The following GALNT10 variants were observed in gnomAD, a reference collection of about 807,000 sequenced individuals.
The protein encoded by GALNT10 is polypeptide N-acetylgalactosaminyltransferase 10.
Under a neutral mutation model 75.0 loss-of-function variants are expected in GALNT10, and 41 were observed. The ratio of observed to expected loss-of-function variants is 0.55; its 90% CI spans 0.43 to 0.71. GALNT10 has a LOEUF of 0.71. Among genes scored for constraint, GALNT10 ranks in the 30% least tolerant of loss-of-function variants. The pLI is 0.00. For synonymous variants in GALNT10, 302 were observed against 313.0 expected (o/e 0.96, Z 0.37); for missense variants, 727 against 818.5 (o/e 0.89, Z 1.36).
At chr5:154,312,388 G>A (rs890604648) in intron 3 of GALNT10, among the ~76,000 whole-genome samples, 7 of 152,146 alleles carry the variant, frequency 4.6e-5, no homozygotes, top group Non-Finnish European at 7.3e-5. Flanking sequence ...CCAATCCTAA[G>A]TCTGCCTGGG....
At chr5:154,400,599 C>T (rs1348492807) in intron 7 of GALNT10, among the ~76,000 whole-genome samples, 1 of 152,150 alleles carries the variant, frequency 6.6e-6, no homozygotes, top group Non-Finnish European at 1.5e-5. Flanking sequence ...CAACAGATGC[C>T]CATTGCAGGG....
At chr5:154,385,666 C>T (rs960219152) in intron 6 of GALNT10, among the ~76,000 whole-genome samples, 8 of 152,216 alleles carry the variant, frequency 5.3e-5, no homozygotes, top group Admixed American at 3.3e-4. Context: ...CAGCACCTCC[C>T]TCACAACTGG....
At chr5:154,255,132 T>C (rs1400982588) in intron 1 of GALNT10, among the ~76,000 whole-genome samples, 3 of 152,080 alleles carry the variant, frequency 2.0e-5, no homozygotes, top group Non-Finnish European at 2.9e-5. Flanking sequence ...TATTACCTTC[T>C]AATCAGTGAG....
At chr5:154,255,671 T>G (rs1291369159) in intron 1 of GALNT10, among the ~76,000 whole-genome samples, 1 of 152,102 alleles carries the variant, frequency 6.6e-6, no homozygotes, top group East Asian at 1.9e-4. Context: ...AGGTCTAGTA[T>G]GTCTTCCACT....
At chr5:154,201,757 C>A (rs1210729193) in intron 1 of GALNT10, among the ~76,000 whole-genome samples, 1 of 151,880 alleles carries the variant, frequency 6.6e-6, no homozygotes, top group Admixed American at 6.6e-5. Flanking sequence ...GGTAAAACCC[C>A]GTCTCTACTA....
intron 4 of GALNT10, among the ~76,000 whole-genome samples, chr5:154,359,677 C>G (rs1425625190): frequency 6.6e-6 from 1 of 151,816 alleles, no homozygotes; most frequent in East Asian, 1.9e-4. Flanking sequence ...CAAGGGCCAT[C>G]CTTTTGTGTG....
In GALNT10 at chr5:154,191,000, C is replaced by G. The variant is rs1252595960; in HGVS notation, c.134C>G (p.Ala45Gly). Residue 45 changes from alanine (A) to glycine (G), a missense_variant, in exon 1 of 12, where the codon GCG becomes GGG. By Grantham distance (60) the Ala-to-Gly change is moderately conservative. Transcript: ENST00000297107. Reference sequence around the variant, plus strand: ...GACGGCACCCCTGGGGGATCGGGGGCGGCGGTGGCGCCGGCGGCGGGACAG... The same window carrying G: ...GACGGCACCCCTGGGGGATCGGGGGGGGCGGTGGCGCCGGCGGCGGGACAG... ...QPDGTPGGSG[A>G]AVAPAAGQGS... is the part of the protein sequence containing the mutation. 1.1e-5 allele frequency: 16 copies of G among 1,482,610 alleles called. No individual in the cohort carries two copies. Among genetic ancestry groups the G allele is most frequent in the Non-Finnish European group, 1.4e-5 (16 of 1,114,950 alleles). The allele number at this position is 1,482,610 out of a possible 1,614,324, so 91.8% of individuals were successfully genotyped here. A position where few individuals can be genotyped will look rare whatever the true frequency, so the allele number is the denominator to read the frequency against.
At chr5:154,353,783 A>G (rs1271537055) in intron 4 of GALNT10, among the ~76,000 whole-genome samples, 5 of 152,106 alleles carry the variant, frequency 3.3e-5, no homozygotes, top group South Asian at 2.1e-4. Context: ...ATCCTTCTGG[A>G]CCAAACTCAA....
At chr5:154,260,557 A>G (rs1257228762) in intron 1 of GALNT10, among the ~76,000 whole-genome samples, 1 of 152,200 alleles carries the variant, frequency 6.6e-6, no homozygotes, top group Non-Finnish European at 1.5e-5. Flanking sequence ...TTTTTAAATG[A>G]ATGCAAATGT....
chr5:154,205,643 A>G (rs1775094611), intron 1 of GALNT10, among the ~76,000 whole-genome samples: 1 of 152,238 alleles, frequency 6.6e-6, no homozygotes, highest in Non-Finnish European at 1.5e-5. Flanking sequence ...AATGTAACCA[A>G]TCAAGATGAT....
intron 1 of GALNT10, among the ~76,000 whole-genome samples, chr5:154,287,665 T>G (rs896982796): frequency 6.6e-6 from 1 of 152,222 alleles, no homozygotes; most frequent in Non-Finnish European, 1.5e-5. Flanking sequence ...TGGACTACCT[T>G]GTTCATCTTT....
At chr5:154,232,194 GC>G (rs1753161797) in intron 1 of GALNT10, among the ~76,000 whole-genome samples, 1 of 152,188 alleles carries the variant, frequency 6.6e-6, no homozygotes. Flanking sequence ...GTGGCTCCAG[GC>G]AAGCCACTTA....
intron 6 of GALNT10, among the ~76,000 whole-genome samples, chr5:154,382,340 T>C (rs564791544): frequency 6.6e-6 from 1 of 152,236 alleles, no homozygotes; most frequent in Admixed American, 6.5e-5. Context: ...TCTCTTGGCC[T>C]CTTGAACACA....
chr5:154,364,745 C>A (rs1311227857), intron 4 of GALNT10, among the ~76,000 whole-genome samples: 1 of 152,054 alleles, frequency 6.6e-6, no homozygotes, highest in East Asian at 1.9e-4. Context: ...AAATGAAATA[C>A]ATGTTGCTCT....
intron 1 of GALNT10, among the ~76,000 whole-genome samples, chr5:154,212,153 A>G (rs1182889990): frequency 6.6e-6 from 1 of 152,184 alleles, no homozygotes; most frequent in African/African-American, 2.4e-5. Flanking sequence ...ATTGCTCATA[A>G]AAACCAAGAT....
intron 4 of GALNT10, among the ~76,000 whole-genome samples, chr5:154,365,736 C>G (rs1394318265): frequency 6.6e-6 from 1 of 152,184 alleles, no homozygotes; most frequent in Non-Finnish European, 1.5e-5. Context: ...TGTCTGCCCT[C>G]TCACCCTTCC....
intron 1 of GALNT10, among the ~76,000 whole-genome samples, chr5:154,197,472 TTC>T (rs1774964143): frequency 6.6e-6 from 1 of 152,152 alleles, no homozygotes; most frequent in African/African-American, 2.4e-5. Context: ...GTGTGTAGCT[TTC>T]TCTCCATGTG....
intron 4 of GALNT10, chr5:154,347,199 C>A: frequency 4.1e-6 from 2 of 483,560 alleles, no homozygotes; most frequent in South Asian, 3.2e-5. Flanking sequence ...TACAACAGTG[C>A]CAACCTCACA....
At chr5:154,296,112 A>T (rs1168748269) in intron 2 of GALNT10, among the ~76,000 whole-genome samples, 1 of 151,988 alleles carries the variant, frequency 6.6e-6, no homozygotes, top group African/African-American at 2.4e-5. Context: ...TTTCAGATGG[A>T]GTCTCACTCT....
Sources: allele counts gnomAD v4.1 joint callset (sites outside exome capture counted in the v4.1 genomes callset), GRCh38; gene constraint gnomAD v4.1.1; transcripts MANE v1.5; gene names NCBI Gene and HGNC (gene_info 2026-07-23, HGNC 2026-07-21).